Variants in BTLA observed in about 807,000 individuals in gnomAD.
BTLA encodes the protein B- and T-lymphocyte attenuator.
Under a neutral mutation model 25.0 loss-of-function variants are expected in BTLA, and 11 were observed. The observed-to-expected ratio is 0.44, with a 90% CI of 0.28 to 0.73. BTLA has a LOEUF of 0.73. Among genes scored for constraint, BTLA ranks in the 30% least tolerant of loss-of-function variants. BTLA has a pLI of 0.15. For synonymous variants in BTLA, 104 were observed against 119.8 expected (o/e 0.87, Z 0.86); for missense variants, 282 against 332.8 (o/e 0.85, Z 1.19).
chr3:112,499,415 T>C lies in BTLA; in HGVS notation c.-57A>G, dbSNP rs576439058. ...TCAAGTAGAAGGCTTTGCTTCGTCT[T>C]CTGAGTGCTGCAGAGTTGGGTCAGT... is the stretch of plus-strand genomic sequence containing the variant. On this transcript the variant is annotated 5_prime_UTR_variant, in exon 1 of 5. Transcript: ENST00000334529. 6.6e-7 allele frequency: 1 copy of C among 1,510,268 alleles called. No homozygotes were observed. The highest frequency in any genetic ancestry group is 2.3e-5 in the East Asian group (1 of 44,218). 93.6% of individuals were successfully genotyped at this position (1,510,268 alleles called of 1,614,324 possible). A position where few individuals can be genotyped will look rare whatever the true frequency, so the allele number is the denominator to read the frequency against.
At chr3:112,498,087 A>G (rs1190923185) in intron 1 of BTLA, among the ~76,000 whole-genome samples, 1 of 152,218 alleles carries the variant, frequency 6.6e-6, no homozygotes, top group Non-Finnish European at 1.5e-5. Flanking sequence ...TAAATAGTTA[A>G]GTACAAATCT....
intron 1 of BTLA, among the ~76,000 whole-genome samples, chr3:112,481,916 C>G (rs879027385): frequency 6.6e-6 from 1 of 152,186 alleles, no homozygotes; most frequent in Non-Finnish European, 1.5e-5. Flanking sequence ...GATATTTCTT[C>G]CACCAGATAT....
At chr3:112,496,504 GA>G (rs558130627) in intron 1 of BTLA, among the ~76,000 whole-genome samples, 106 of 152,148 alleles carry the variant, frequency 7.0e-4, no homozygotes, top group African/African-American at 2.5e-3. Context: ...GAAGTAGGGG[GA>G]AAAAATCTTC....
In BTLA at chr3:112,466,362, C is replaced by A; in HGVS notation, c.616G>T (p.Glu206Ter). The A allele has an allele frequency of 1.2e-6, 2 of 1,611,622 alleles. No individual in the cohort carries two copies. The highest frequency in any genetic ancestry group is 1.1e-5 in the South Asian group (1 of 90,512). Residue 206 changes from glutamate to a stop codon, truncating the protein, a stop_gained, in exon 5 of 5, where the codon GAG (glutamate) becomes TAG (stop). Transcript: ENST00000334529. LOFTEE classifies it low-confidence loss of function (END_TRUNC). Reference sequence around the variant, plus strand: ...TGCCTGGTGCTTGCTTCTGTTTGCTCACTCTTAAGGTGAGCATCAACCTAC... The same window carrying A: ...TGCCTGGTGCTTGCTTCTGTTTGCTAACTCTTAAGGTGAGCATCAACCTAC... ...INLVDAHLKS[E>*]QTEASTRQNS...
intron 1 of BTLA, among the ~76,000 whole-genome samples, chr3:112,485,207 G>A (rs762425762): frequency 1.4e-4 from 22 of 151,732 alleles, no homozygotes; most frequent in South Asian, 8.3e-4. Flanking sequence ...ACCACGCCCG[G>A]CTAATTTTTG....
At chr3:112,490,759 AATTGAGAGC>A (rs2082376015) in intron 1 of BTLA, among the ~76,000 whole-genome samples, 1 of 151,830 alleles carries the variant, frequency 6.6e-6, no homozygotes, top group Non-Finnish European at 1.5e-5. Context: ...GAAACAAGAA[AATTGAGAGC>A]ATTTTCACAA....
At position 112,467,726 on chromosome 3, in the gene BTLA, G is replaced by A. The variant is rs145789370; in HGVS notation, c.595-1343C>T. 1.4e-3 allele frequency among the ~76,000 whole-genome samples: 207 copies of A among 152,316 alleles called. 1 individual carries two copies. The highest frequency in any genetic ancestry group is 4.6e-3 in the African/African-American group (191 of 41,578). ...CCCAAAAATAACAGTAAGGCTGAGC[G>A]ACTGAAAGAGGCAGAGGCTGCTTGG... On this transcript the variant is annotated intron_variant, in intron 4 of 4. Coordinates refer to ENST00000334529, the MANE Select transcript of BTLA (RefSeq NM_181780.4).
chr3:112,492,238 C>T (rs1010304848), intron 1 of BTLA, among the ~76,000 whole-genome samples: 3 of 152,302 alleles, frequency 2.0e-5, no homozygotes, highest in East Asian at 1.9e-4. Context: ...ATGTAATTAT[C>T]GCCCTTGAAT....
chr3:112,485,076 C>T (rs1467666670), intron 1 of BTLA, among the ~76,000 whole-genome samples: 2 of 152,052 alleles, frequency 1.3e-5, no homozygotes, highest in African/African-American at 2.4e-5. Flanking sequence ...TGAAGTCTCG[C>T]TCTTGTTGCC....
Position 112,464,323 on chromosome 3 carries a change from T to C in BTLA, c.*1785A>G. ...TTTGCTTTTAAGTTTGAGAGAATCA[T>C]GAAGGAACTGTTCAATTTCGTGTGT... On this transcript the variant is annotated 3_prime_UTR_variant, in exon 5 of 5. Coordinates refer to ENST00000334529, the MANE Select transcript of BTLA (RefSeq NM_181780.4). 1 of 390,756 alleles carries C rather than the reference T, an allele frequency of 2.6e-6. No homozygotes were observed. Among genetic ancestry groups the C allele is most frequent in the Non-Finnish European group, 4.5e-6 (1 of 221,166 alleles). 24.2% of individuals were successfully genotyped at this position (390,756 alleles called of 1,614,324 possible).
In BTLA at chr3:112,466,001, A is replaced by T. The variant is rs1310428185; in HGVS notation, c.*107T>A. On this transcript the variant is annotated 3_prime_UTR_variant, in exon 5 of 5. Transcript: ENST00000334529. ...CAAGCACTAACATGAACATTTCTAA[A>T]GTAAAAATTCTCAAATTGAGAAATA... is the stretch of plus-strand genomic sequence containing the variant. 3.9e-6 allele frequency: 5 copies of T among 1,275,460 alleles called. No individual in the cohort carries two copies. The East Asian group carries it at 9.5e-5, about 24-fold the overall frequency. The allele number at this position is 1,275,460 out of a possible 1,614,324, so 79.0% of individuals were successfully genotyped here. A position where few individuals can be genotyped will look rare whatever the true frequency, so the allele number is the denominator to read the frequency against.
At chr3:112,492,926 G>A (rs2082387655) in intron 1 of BTLA, among the ~76,000 whole-genome samples, 1 of 152,166 alleles carries the variant, frequency 6.6e-6, no homozygotes, top group African/African-American at 2.4e-5. Context: ...TAAACTTGAT[G>A]TTTTCCTGGG....
intron 4 of BTLA, among the ~76,000 whole-genome samples, chr3:112,466,900 C>T (rs1299103756): frequency 6.6e-6 from 1 of 151,528 alleles, no homozygotes; most frequent in African/African-American, 2.4e-5. Flanking sequence ...AAAGATAAAG[C>T]TTAGAAAAAG....
At chr3:112,475,726 A>C (rs1263217499) in intron 2 of BTLA, among the ~76,000 whole-genome samples, 1 of 152,176 alleles carries the variant, frequency 6.6e-6, no homozygotes. Context: ...TGAATTACAC[A>C]AGGCTTCTCT....
intron 2 of BTLA, among the ~76,000 whole-genome samples, chr3:112,475,795 T>G (rs907155230): frequency 6.6e-6 from 1 of 152,060 alleles, no homozygotes; most frequent in East Asian, 1.9e-4. Flanking sequence ...TATGTTAATA[T>G]ATTATATAAA....
At chr3:112,476,015 T>A (rs2082286784) in intron 2 of BTLA, among the ~76,000 whole-genome samples, 1 of 152,212 alleles carries the variant, frequency 6.6e-6, no homozygotes, top group African/African-American at 2.4e-5. Context: ...TTCTCCAGGT[T>A]GATGAAGACA....
chr3:112,499,425 G>T lies in BTLA; in HGVS notation c.-67C>A. The T allele has an allele frequency of 7.2e-7, 1 of 1,391,470 alleles. No homozygotes were observed. The allele number at this position is 1,391,470 out of a possible 1,614,324, so 86.2% of individuals were successfully genotyped here. ...GGCTTTGCTTCGTCTTCTGAGTGCT[G>T]CAGAGTTGGGTCAGTTTACCTACCC... On this transcript the variant is annotated 5_prime_UTR_variant, in exon 1 of 5. Transcript: ENST00000334529.
At chr3:112,498,990 A>G (rs1345351404) in intron 1 of BTLA, among the ~76,000 whole-genome samples, 11 of 152,198 alleles carry the variant, frequency 7.2e-5, no homozygotes, top group Admixed American at 6.5e-4. Flanking sequence ...GTACTTAACT[A>G]TTTATAACAT....
chr3:112,472,422 C>G (rs937761754), intron 2 of BTLA, among the ~76,000 whole-genome samples: 1 of 152,016 alleles, frequency 6.6e-6, no homozygotes, highest in South Asian at 2.1e-4. Flanking sequence ...TAAGGTCTGG[C>G]CTGGTGGCTC....
Sources: allele counts gnomAD v4.1 joint callset (sites outside exome capture counted in the v4.1 genomes callset), GRCh38; gene constraint gnomAD v4.1.1; transcripts MANE v1.5; gene names NCBI Gene and HGNC (gene_info 2026-07-23, HGNC 2026-07-21).